The following CBLB variants were observed in gnomAD, a reference collection of about 807,000 sequenced individuals.
CBLB encodes Cbl proto-oncogene B, also known as E3 ubiquitin-protein ligase CBL-B.
CBLB carries 31 observed loss-of-function variants against 104.9 expected under a neutral mutation model. That is an observed-to-expected ratio of 0.30 (90% CI 0.22 to 0.40). CBLB has a LOEUF of 0.40. Ranked by LOEUF, CBLB falls within the 10% of genes least tolerant of loss-of-function variation. The probability of loss-of-function intolerance (pLI) is 1.00; values close to 1 mark genes in which losing one functional copy is unlikely to be tolerated. For synonymous variants in CBLB, 440 were observed against 422.6 expected (o/e 1.04, Z -0.51); for missense variants, 1,062 against 1,214.6 (o/e 0.87, Z 1.87).
At chr3:105,778,443 T>C (rs1421529452) in intron 3 of CBLB, among the ~76,000 whole-genome samples, 2 of 152,140 alleles carry the variant, frequency 1.3e-5, no homozygotes, top group Non-Finnish European at 2.9e-5. Context: ...CATAACTTCC[T>C]GTATAAGATG....
In CBLB at chr3:105,666,686, A is replaced by C. The variant is rs142704233; in HGVS notation, c.2689+3547T>G. 6.3e-3 allele frequency among the ~76,000 whole-genome samples: 961 copies of C among 151,662 alleles called. 12 individuals carry two copies. The highest frequency in any genetic ancestry group is 0.022 in the African/African-American group (914 of 41,362). ...GGGCGACAGAGCGAGACTCCATCTCAAAAAAAAAGAAATACTGCCTATAGA... is the reference window on the plus strand; with the variant it reads ...GGGCGACAGAGCGAGACTCCATCTCCAAAAAAAAGAAATACTGCCTATAGA... On this transcript the variant is annotated intron_variant, in intron 18 of 18. Transcript: ENST00000394030.
At chr3:105,787,080 A>C (rs531299095) in intron 3 of CBLB, among the ~76,000 whole-genome samples, 5 of 152,218 alleles carry the variant, frequency 3.3e-5, no homozygotes, top group Non-Finnish European at 7.3e-5. Flanking sequence ...AATAAAAAGT[A>C]ATCACAGAAA....
chr3:105,838,457 G>A (rs1369676792), intron 3 of CBLB, among the ~76,000 whole-genome samples: 1 of 151,962 alleles, frequency 6.6e-6, no homozygotes, highest in Non-Finnish European at 1.5e-5. Flanking sequence ...CATGGGGATA[G>A]AGTGGGAATG....
intron 3 of CBLB, among the ~76,000 whole-genome samples, chr3:105,848,948 G>A (rs147927732): frequency 4.2e-3 from 641 of 152,230 alleles, no homozygotes; most frequent in Non-Finnish European, 6.2e-3. Flanking sequence ...AACATTTCAT[G>A]GGAGACTTTT....
In CBLB at chr3:105,658,174, A is replaced by C. The variant is rs2063469471; in HGVS notation, c.*796T>G. ...TAGTAGCTGCTTTCTAATATTGTAGATTTTTACAGTTGTGACACCCCTGGG... is the reference window on the plus strand; with the variant it reads ...TAGTAGCTGCTTTCTAATATTGTAGCTTTTTACAGTTGTGACACCCCTGGG... On this transcript the variant is annotated 3_prime_UTR_variant, in exon 19 of 19. Transcript: ENST00000394030. 1 of 216,234 alleles carries C rather than the reference A, an allele frequency of 4.6e-6. No homozygotes were observed. Among genetic ancestry groups the C allele is most frequent in the Non-Finnish European group, 9.3e-6 (1 of 107,250 alleles). The allele number at this position is 216,234 out of a possible 1,614,324, so 13.4% of individuals were successfully genotyped here. A position where few individuals can be genotyped will look rare whatever the true frequency, so the allele number is the denominator to read the frequency against.
At chr3:105,742,384 G>C (rs2075690348) in intron 6 of CBLB, among the ~76,000 whole-genome samples, 2 of 151,972 alleles carry the variant, frequency 1.3e-5, no homozygotes, top group Non-Finnish European at 2.9e-5. Flanking sequence ...TTCATCTTTG[G>C]ACAAACTAGA....
At chr3:105,766,721 A>G (rs2078267946) in intron 4 of CBLB, among the ~76,000 whole-genome samples, 1 of 152,208 alleles carries the variant, frequency 6.6e-6, no homozygotes, top group Non-Finnish European at 1.5e-5. Flanking sequence ...TACAACTTCT[A>G]TATTCACTAG....
intron 13 of CBLB, among the ~76,000 whole-genome samples, chr3:105,690,392 G>A (rs960019389): frequency 1.3e-5 from 2 of 152,076 alleles, no homozygotes; most frequent in Middle Eastern, 3.2e-3. Context: ...TGTCAGGTTT[G>A]CCATCAGTAT....
intron 9 of CBLB, among the ~76,000 whole-genome samples, chr3:105,723,063 T>C (rs554058211): frequency 6.6e-6 from 1 of 152,282 alleles, no homozygotes; most frequent in South Asian, 2.1e-4. Flanking sequence ...AATGAATGTG[T>C]CTCTAATGGT....
intron 10 of CBLB, among the ~76,000 whole-genome samples, chr3:105,714,651 T>C (rs1161164329): frequency 6.6e-6 from 1 of 152,194 alleles, no homozygotes; most frequent in Non-Finnish European, 1.5e-5. Context: ...TAAATACAGA[T>C]GAAGCTTCGC....
chr3:105,734,523 T>C (rs2074688689), intron 8 of CBLB, among the ~76,000 whole-genome samples: 2 of 111,890 alleles, frequency 1.8e-5, no homozygotes, highest in South Asian at 6.4e-4. Flanking sequence ...ATAATTTAAC[T>C]GTCAAATTGA....
At position 105,766,359 on chromosome 3, in the gene CBLB, G is replaced by A. The variant is rs1332406562; in HGVS notation, c.566+10037C>T. Among the ~76,000 whole-genome samples, 6 of 152,116 alleles carry A rather than the reference G, an allele frequency of 3.9e-5. No homozygotes were observed. In the East Asian group the frequency reaches 1.2e-3, roughly 29 times the overall value. On this transcript the variant is annotated intron_variant, in intron 4 of 18. Transcript: ENST00000394030. ...CACTTGGTTGATAAAGCAGTGGCAG[G>A]GTTTGAGAGGACTGACTCCAATTTT... is the stretch of plus-strand genomic sequence containing the variant.
intron 3 of CBLB, among the ~76,000 whole-genome samples, chr3:105,812,286 C>T (rs1489991256): frequency 6.6e-6 from 1 of 152,160 alleles, no homozygotes; most frequent in African/African-American, 2.4e-5. Flanking sequence ...TACTGAGCAC[C>T]TACTATGTCT....
upstream of CBLB, chr3:105,869,363 G>C (rs1274764457): frequency 3.0e-6 from 4 of 1,342,178 alleles, no homozygotes; most frequent in Non-Finnish European, 4.0e-6. Context: ...GTGGGCGTGA[G>C]CGTCGGGACC....
intron 9 of CBLB, among the ~76,000 whole-genome samples, chr3:105,725,046 T>C (rs1355785820): frequency 1.3e-5 from 2 of 152,150 alleles, no homozygotes; most frequent in Non-Finnish European, 2.9e-5. Flanking sequence ...AGGTGAAAAA[T>C]AGCCGGTTGC....
chr3:105,752,163 A>G (rs2076652552), intron 4 of CBLB, among the ~76,000 whole-genome samples: 1 of 152,260 alleles, frequency 6.6e-6, no homozygotes, highest in Non-Finnish European at 1.5e-5. Context: ...CTAACTTTTC[A>G]TATTAATACA....
chr3:105,675,656 G>C (rs1029408869), intron 17 of CBLB, among the ~76,000 whole-genome samples: 2 of 152,104 alleles, frequency 1.3e-5, no homozygotes, highest in African/African-American at 4.8e-5. Context: ...GGTTGAAGCA[G>C]GGGGATCACA....
In CBLB at chr3:105,693,572, T is replaced by A. The variant is rs1559846139; in HGVS notation, c.1976A>T (p.His659Leu). 1 of 1,610,752 alleles carries A rather than the reference T, an allele frequency of 6.2e-7. No homozygotes were observed. The highest frequency in any genetic ancestry group is 8.5e-7 in the Non-Finnish European group (1 of 1,177,246). ...AACATCATATTCTTCACTTCCAAGG[T>A]GACCATTGGAAAAGACCTGAAAGTA... is the stretch of plus-strand genomic sequence containing the variant. ...LEGAKVFSNG[H>L]LGSEEYDVPP... The change falls in exon 13 of 19, where the codon CAC (histidine) becomes CTC (leucine). Residue 659 changes from histidine to leucine, a missense_variant. Around this residue, in one of 2 missense-constraint regions of CBLB, gnomAD observed 605 missense variants for 582.6 expected, o/e 1.04. Coordinates refer to ENST00000394030, the MANE Select transcript of CBLB (RefSeq NM_170662.5).
intron 4 of CBLB, among the ~76,000 whole-genome samples, chr3:105,754,551 GAGAGAGAGAA>G (rs1293714108): frequency 2.6e-4 from 38 of 147,424 alleles, no homozygotes; most frequent in Admixed American, 7.5e-4. Flanking sequence ...GAGAGAGAGA[GAGAGAGAGAA>G]AATAAAAAGG....
Sources: gnomAD v4.1 joint callset for allele counts (sites outside exome capture counted in the v4.1 genomes callset) on GRCh38, gnomAD v4.1.1 for gene constraint, gnomAD v4.1.1 regional missense constraint, MANE v1.5 for transcripts, NCBI Gene and HGNC (gene_info 2026-07-23, HGNC 2026-07-21) for gene names.